Variants in PDE3A observed in about 807,000 individuals in gnomAD.
PDE3A encodes the protein phosphodiesterase 3A.
A neutral mutation model predicts 98.3 loss-of-function variants in PDE3A; 43 were observed. The ratio of observed to expected loss-of-function variants is 0.44; its 90% CI spans 0.34 to 0.56. The LOEUF (loss-of-function observed/expected upper bound fraction) is 0.56, where lower values mean the gene tolerates loss of function less well. Among genes scored for constraint, PDE3A ranks in the 20% least tolerant of loss-of-function variants. PDE3A has a pLI of 0.01. For synonymous variants in PDE3A, 663 were observed against 567.9 expected (o/e 1.17, Z -2.38); for missense variants, 1,427 against 1,440.7 (o/e 0.99, Z 0.15).
chr12:20,448,395 CGCGTCAAT>C (rs1466214304), intron 1 of PDE3A, among the ~76,000 whole-genome samples: 2 of 152,144 alleles, frequency 1.3e-5, no homozygotes, highest in East Asian at 3.9e-4. Context: ...GAGCCGAGGT[CGCGTCAAT>C]GCACAACAGC....
In PDE3A at chr12:20,616,344, C is replaced by A. The variant is rs748683447; in HGVS notation, c.1384C>A (p.Arg462Ser). The A allele has an allele frequency of 1.2e-6, 2 of 1,613,438 alleles. No individual in the cohort carries two copies. Among genetic ancestry groups the A allele is most frequent in the African/African-American group, 2.7e-5 (2 of 74,872 alleles). Residue 462 changes from arginine to serine, a missense_variant, in exon 4 of 16, where the codon CGC (arginine) becomes AGC (serine). Arg to Ser is a moderately radical substitution (Grantham distance 110). This residue lies in a region of PDE3A where 1,012 missense variants were observed against 886.5 expected (regional missense o/e 1.14). Coordinates refer to ENST00000359062, the MANE Select transcript of PDE3A (RefSeq NM_000921.5). The part of the protein sequence containing the change: ...TLEPAPVRRD[R>S]STSIKLQEAP... ...GGAGCCTGCACCAGTACGGAGAGAC[C>A]GCAGCACCAGCATCAAACTGCAGGA...
At position 20,681,100 on chromosome 12, in the gene PDE3A, G is replaced by A. The variant is rs1360347057; in HGVS notation, c.*829G>A. ...CCTTTTGCTGATGGAGGGCACTCAA[G>A]GGCTGGGTGAGAGGGCCACGTGTTT... On this transcript the variant is annotated 3_prime_UTR_variant, in exon 16 of 16. Transcript: ENST00000359062. The A allele has an allele frequency of 2.0e-5, 3 of 152,212 alleles. No homozygotes were observed. The highest frequency in any genetic ancestry group is 3.4e-3 in the Middle Eastern group (1 of 296). The allele number at this position is 152,212 out of a possible 1,614,324, so 9.4% of individuals were successfully genotyped here.
intron 1 of PDE3A, among the ~76,000 whole-genome samples, chr12:20,547,333 A>G (rs1018921482): frequency 6.6e-6 from 1 of 152,036 alleles, no homozygotes; most frequent in African/African-American, 2.4e-5. Context: ...TTCTTCCTTC[A>G]CTAAAATATA....
At chr12:20,665,213 T>C (rs768879084) in intron 15 of PDE3A, among the ~76,000 whole-genome samples, 25 of 152,304 alleles carry the variant, frequency 1.6e-4, no homozygotes, top group Non-Finnish European at 2.8e-4. Context: ...ATCATATTTA[T>C]CTTGTCTGTC....
intron 1 of PDE3A, among the ~76,000 whole-genome samples, chr12:20,516,693 G>A (rs1263183336): frequency 6.6e-6 from 1 of 152,154 alleles, no homozygotes; most frequent in African/African-American, 2.4e-5. Flanking sequence ...GACAGGCTCT[G>A]AACCATTATG....
chr12:20,490,264 G>C (rs533446767), intron 1 of PDE3A, among the ~76,000 whole-genome samples: 1 of 152,210 alleles, frequency 6.6e-6, no homozygotes, highest in South Asian at 2.1e-4. Flanking sequence ...TTAGTTCTTG[G>C]TTGCCATTTA....
chr12:20,541,120 A>G (rs1941896586), intron 1 of PDE3A, among the ~76,000 whole-genome samples: 1 of 89,922 alleles, frequency 1.1e-5, no homozygotes, highest in Admixed American at 1.9e-4. Context: ...TTTTTGAGAC[A>G]GGGTCTCCCT....
intron 1 of PDE3A, among the ~76,000 whole-genome samples, chr12:20,452,479 C>T (rs1201747072): frequency 1.3e-5 from 2 of 152,152 alleles, no homozygotes; most frequent in Admixed American, 6.5e-5. Flanking sequence ...AATGGTCATC[C>T]TCTTCTCCTT....
chr12:20,677,828 T>C (rs1945680706), intron 15 of PDE3A, among the ~76,000 whole-genome samples: 1 of 152,022 alleles, frequency 6.6e-6, no homozygotes, highest in African/African-American at 2.4e-5. Flanking sequence ...CTTTTGATTT[T>C]GGGTGCAGGC....
intron 1 of PDE3A, among the ~76,000 whole-genome samples, chr12:20,384,689 GC>G (rs1565531781): frequency 6.6e-6 from 1 of 151,224 alleles, no homozygotes; most frequent in African/African-American, 2.4e-5. Context: ...TCACCCTGTC[GC>G]CCCACCCGAC....
chr12:20,621,171 T>C (rs1944125963), intron 4 of PDE3A, 125 bp from the exon 5 acceptor site: 1 of 633,276 alleles, frequency 1.6e-6, no homozygotes, highest in Admixed American at 2.6e-5. Flanking sequence ...TCACTGAACC[T>C]GAACCAATAC....
intron 2 of PDE3A, among the ~76,000 whole-genome samples, chr12:20,570,331 C>G (rs181699876): frequency 1.9e-3 from 260 of 138,870 alleles, no homozygotes; most frequent in Non-Finnish European, 1.1e-3. Flanking sequence ...TCTCTTGAAC[C>G]CAGGAGGTGG....
At chr12:20,476,067 T>C (rs1362628162) in intron 1 of PDE3A, among the ~76,000 whole-genome samples, 1 of 152,220 alleles carries the variant, frequency 6.6e-6, no homozygotes, top group Non-Finnish European at 1.5e-5. Flanking sequence ...CATTTTTCTC[T>C]ATCTAAATTT....
chr12:20,488,879 CAAAAA>C (rs5796863), intron 1 of PDE3A, among the ~76,000 whole-genome samples: 1 of 118,982 alleles, frequency 8.4e-6, no homozygotes. Flanking sequence ...TCCCTGTCTC[CAAAAA>C]AAAAAAAAAA....
chr12:20,385,777 C>T (rs1373145489), intron 1 of PDE3A, among the ~76,000 whole-genome samples: 11 of 146,174 alleles, frequency 7.5e-5, no homozygotes, highest in Non-Finnish European at 9.0e-5. Context: ...CATCACACAT[C>T]GGGGCCTGTT....
At chr12:20,449,863 G>T in intron 1 of PDE3A, 3 of 610,426 alleles carry the variant, frequency 4.9e-6, no homozygotes, top group South Asian at 3.2e-5. Flanking sequence ...CCCTTTTAGT[G>T]GACATTTGGG....
intron 4 of PDE3A, among the ~76,000 whole-genome samples, chr12:20,620,278 T>G (rs1944101934): frequency 6.6e-6 from 1 of 152,038 alleles, no homozygotes; most frequent in South Asian, 2.1e-4. Context: ...ATTGCCAATC[T>G]AAGATTGGCA....
rs1945748442 is a variant in PDE3A at position 20,680,439 on chromosome 12, T to C, written c.*168T>C. The C allele has an allele frequency of 2.8e-6, 2 of 703,686 alleles. No homozygotes were observed. Among genetic ancestry groups the C allele is most frequent in the Non-Finnish European group, 4.6e-6 (2 of 430,534 alleles). 43.6% of individuals were successfully genotyped at this position (703,686 alleles called of 1,614,324 possible). A position where few individuals can be genotyped will look rare whatever the true frequency, so the allele number is the denominator to read the frequency against. Reference sequence around the variant, plus strand: ...TGTATATTTTTACAGTGAGGTACATTGTTAAAAACTTTTTGCTCAAAGAAG... The same window carrying C: ...TGTATATTTTTACAGTGAGGTACATCGTTAAAAACTTTTTGCTCAAAGAAG... On this transcript the variant is annotated 3_prime_UTR_variant, in exon 16 of 16. Transcript: ENST00000359062.
intron 1 of PDE3A, among the ~76,000 whole-genome samples, chr12:20,500,216 T>G (rs923438672): frequency 3.3e-5 from 5 of 152,164 alleles, no homozygotes; most frequent in African/African-American, 9.7e-5. Flanking sequence ...CATTTAAGAG[T>G]TTTCCTGTAA....
Sources: gnomAD v4.1 joint callset for allele counts (sites outside exome capture counted in the v4.1 genomes callset) on GRCh38, gnomAD v4.1.1 for gene constraint, gnomAD v4.1.1 regional missense constraint, MANE v1.5 for transcripts, NCBI Gene and HGNC (gene_info 2026-07-23, HGNC 2026-07-21) for gene names.